Variants in SH3BGRL2 observed in about 807,000 individuals in gnomAD.
SH3BGRL2 encodes SH3 domain binding glutamate rich protein like 2.
A neutral mutation model predicts 14.8 loss-of-function variants in SH3BGRL2; 21 were observed. The observed-to-expected ratio is 1.42, with a 90% CI of 1.01 to 2.05. The LOEUF is 2.05. Ranked by LOEUF, SH3BGRL2 falls within the 30% of genes most tolerant of loss-of-function variation. The pLI is 0.00. For missense variants in SH3BGRL2, 147 were observed against 130.8 expected (o/e 1.12, Z -0.61); for synonymous variants, 50 against 47.8 (o/e 1.05, Z -0.19).
At chr6:79,689,569 A>T (rs1361941974) in intron 2 of SH3BGRL2, among the ~76,000 whole-genome samples, 2 of 151,962 alleles carry the variant, frequency 1.3e-5, no homozygotes, top group Non-Finnish European at 2.9e-5. Flanking sequence ...TTTCTTTTTA[A>T]TTGAGACAGG....
chr6:79,625,802 G>T, the SH3BGRL2 span, among the ~76,000 whole-genome samples: 1 of 152,172 alleles, frequency 6.6e-6, no homozygotes, highest in Non-Finnish European at 1.5e-5. Flanking sequence ...GGAAGATGAG[G>T]TATTGGCAAG....
the SH3BGRL2 span, among the ~76,000 whole-genome samples, chr6:79,578,330 T>A: frequency 6.6e-6 from 1 of 152,118 alleles, no homozygotes. Context: ...CTCAAGTGGG[T>A]CCCTGACCAC....
At chr6:79,657,227 A>G (rs1421784201) in intron 1 of SH3BGRL2, among the ~76,000 whole-genome samples, 1 of 151,616 alleles carries the variant, frequency 6.6e-6, no homozygotes, top group Non-Finnish European at 1.5e-5. Flanking sequence ...TATACGCTTA[A>G]GAAGAACACT....
chr6:79,683,699 G>A (rs1770037461), intron 2 of SH3BGRL2, among the ~76,000 whole-genome samples: 2 of 152,092 alleles, frequency 1.3e-5, no homozygotes, highest in Non-Finnish European at 2.9e-5. Flanking sequence ...TGCCCGCCTT[G>A]GCCTCCCAAA....
chr6:79,649,302 C>A (rs1769232993), intron 1 of SH3BGRL2, among the ~76,000 whole-genome samples: 1 of 152,116 alleles, frequency 6.6e-6, no homozygotes, highest in African/African-American at 2.4e-5. Context: ...GATTCTTAGT[C>A]TAGAACAGAT....
At chr6:79,577,565 G>A in the SH3BGRL2 span, among the ~76,000 whole-genome samples, 2 of 151,904 alleles carry the variant, frequency 1.3e-5, no homozygotes, top group Admixed American at 6.6e-5. Flanking sequence ...ATACTAGAAA[G>A]GTAAAGTGAC....
chr6:79,663,324 T>C (rs1832711451), intron 1 of SH3BGRL2, among the ~76,000 whole-genome samples: 2 of 152,110 alleles, frequency 1.3e-5, no homozygotes, highest in African/African-American at 2.4e-5. Flanking sequence ...CTACAAATGG[T>C]GTTTTTGTGT....
chr6:79,616,610 C>T, the SH3BGRL2 span, among the ~76,000 whole-genome samples: 3 of 152,122 alleles, frequency 2.0e-5, no homozygotes, highest in Non-Finnish European at 4.4e-5. Flanking sequence ...AGACAGGCTC[C>T]GCATCCAGAT....
At chr6:79,566,791 A>G in the SH3BGRL2 span, among the ~76,000 whole-genome samples, 13 of 151,902 alleles carry the variant, frequency 8.6e-5, no homozygotes, top group African/African-American at 3.1e-4. Flanking sequence ...TGGCTACTCA[A>G]AACGCTGAAG....
chr6:79,557,530 A>T, the SH3BGRL2 span, among the ~76,000 whole-genome samples: 3,885 of 152,238 alleles, frequency 0.026, 62 homozygotes, highest in Middle Eastern at 0.075. Context: ...AATGTGGGGA[A>T]AAAATGTGGG....
the SH3BGRL2 span, among the ~76,000 whole-genome samples, chr6:79,549,536 G>A: frequency 6.6e-6 from 1 of 152,138 alleles, no homozygotes; most frequent in African/African-American, 2.4e-5. Context: ...GCTTACCACT[G>A]TGTTACAATT....
the SH3BGRL2 span, among the ~76,000 whole-genome samples, chr6:79,624,384 CA>C: frequency 2.0e-5 from 3 of 150,360 alleles, no homozygotes; most frequent in Admixed American, 2.0e-4. Flanking sequence ...AATATATAAC[CA>C]AAAAAGATGA....
the SH3BGRL2 span, among the ~76,000 whole-genome samples, chr6:79,551,535 G>C: frequency 1.3e-5 from 2 of 152,128 alleles, no homozygotes; most frequent in Non-Finnish European, 2.9e-5. Context: ...AGCCTGCAAC[G>C]TGGCCCTCCT....
intron 1 of SH3BGRL2, among the ~76,000 whole-genome samples, chr6:79,654,795 G>C (rs147928098): frequency 2.4e-4 from 36 of 152,258 alleles, no homozygotes; most frequent in African/African-American, 8.2e-4. Flanking sequence ...CCTGCTTGAG[G>C]GGGGTGGTGT....
upstream of SH3BGRL2, chr6:79,631,300 T>C: frequency 3.7e-6 from 2 of 545,122 alleles, no homozygotes; most frequent in Non-Finnish European, 5.9e-6. Context: ...GCGCTGGGCT[T>C]TTATCTGCGG....
intron 1 of SH3BGRL2, among the ~76,000 whole-genome samples, chr6:79,655,567 CT>C (rs1234095901): frequency 1.3e-5 from 2 of 152,112 alleles, no homozygotes; most frequent in Non-Finnish European, 2.9e-5. Flanking sequence ...TCTCACACCC[CT>C]TTAGCAACGG....
the SH3BGRL2 span, among the ~76,000 whole-genome samples, chr6:79,572,786 T>C: frequency 3.7e-4 from 57 of 152,312 alleles, no homozygotes; most frequent in Admixed American, 1.9e-3. Context: ...ACAATTATTC[T>C]ATTACTAGTG....
chr6:79,584,024 A>G, the SH3BGRL2 span, among the ~76,000 whole-genome samples: 8 of 152,332 alleles, frequency 5.3e-5, no homozygotes, highest in South Asian at 1.7e-3. Flanking sequence ...TGAGCCATAT[A>G]AACAGTCTGA....
Position 79,631,381 on chromosome 6 carries a change from G to T in SH3BGRL2, c.-81G>T. On this transcript the variant is annotated 5_prime_UTR_variant, in exon 1 of 4. Transcript: ENST00000369838. Reference sequence around the variant, plus strand: ...GCGCTTTACCCAGAGGCTGCCGGCGGCTCGTAGCTGGGTTCAGCTCTGCGT... The same window carrying T: ...GCGCTTTACCCAGAGGCTGCCGGCGTCTCGTAGCTGGGTTCAGCTCTGCGT... The T allele has an allele frequency of 1.5e-6, 2 of 1,304,116 alleles. No individual in the cohort carries two copies. The allele number at this position is 1,304,116 out of a possible 1,614,324, so 80.8% of individuals were successfully genotyped here. A position where few individuals can be genotyped will look rare whatever the true frequency, so the allele number is the denominator to read the frequency against.
Sources: allele counts gnomAD v4.1 joint callset (sites outside exome capture counted in the v4.1 genomes callset), GRCh38; gene constraint gnomAD v4.1.1; transcripts MANE v1.5; gene names NCBI Gene and HGNC (gene_info 2026-07-23, HGNC 2026-07-21).